The following ADAMTS9 variants were observed in gnomAD, a reference collection of about 807,000 sequenced individuals.
ADAMTS9 encodes the protein ADAM metallopeptidase with thrombospondin type 1 motif 9.
A neutral mutation model predicts 257.1 loss-of-function variants in ADAMTS9; 107 were observed. The ratio of observed to expected loss-of-function variants is 0.42; its 90% CI spans 0.36 to 0.49. The LOEUF is 0.49. Among genes scored for constraint, ADAMTS9 ranks in the 20% least tolerant of loss-of-function variants. ADAMTS9 has a pLI of 0.03. For missense variants in ADAMTS9, 2,353 were observed against 2,469.1 expected (o/e 0.95, Z 1.00); for synonymous variants, 982 against 880.9 (o/e 1.11, Z -2.03).
At chr3:64,577,097 G>T (rs2083871900) in intron 28 of ADAMTS9, among the ~76,000 whole-genome samples, 1 of 152,088 alleles carries the variant, frequency 6.6e-6, no homozygotes, top group South Asian at 2.1e-4. Flanking sequence ...CCAAATTAGG[G>T]CTCTTTTTGT....
chr3:64,533,410 T>A (rs2083007721), intron 37 of ADAMTS9, 140 bp from the exon 38 acceptor site: 2 of 677,490 alleles, frequency 3.0e-6, no homozygotes, highest in South Asian at 3.8e-5. Context: ...TTATTGATAG[T>A]ATTTAGTTTT....
At chr3:64,532,369 T>C (rs968042673) in intron 38 of ADAMTS9, among the ~76,000 whole-genome samples, 1 of 152,200 alleles carries the variant, frequency 6.6e-6, no homozygotes, top group Non-Finnish European at 1.5e-5. Flanking sequence ...TTTTGTGTAA[T>C]TGATTGAATA....
At chr3:64,570,069 T>G (rs916689899) in intron 28 of ADAMTS9, among the ~76,000 whole-genome samples, 6 of 152,222 alleles carry the variant, frequency 3.9e-5, no homozygotes, top group African/African-American at 1.4e-4. Context: ...AGTGACCAAT[T>G]TTAATATTTT....
intron 9 of ADAMTS9, 48 bp downstream of exon 9, chr3:64,650,969 G>A (rs1474748150): frequency 1.3e-6 from 2 of 1,537,140 alleles, no homozygotes; most frequent in South Asian, 2.5e-5. Flanking sequence ...TTCACTACAT[G>A]TAGGCCAGGC....
intron 29 of ADAMTS9, among the ~76,000 whole-genome samples, chr3:64,563,492 A>G (rs1285981194): frequency 2.4e-5 from 3 of 126,454 alleles, no homozygotes; most frequent in Non-Finnish European, 5.9e-5. Context: ...GAAAAATGAA[A>G]ACATATTTAA....
intron 38 of ADAMTS9, among the ~76,000 whole-genome samples, chr3:64,529,279 C>A (rs963748119): frequency 6.6e-6 from 1 of 152,250 alleles, no homozygotes; most frequent in African/African-American, 2.4e-5. Flanking sequence ...TTGACCAGTT[C>A]TGCTCTTGGA....
intron 30 of ADAMTS9, among the ~76,000 whole-genome samples, chr3:64,551,941 A>G (rs1004645248): frequency 6.6e-6 from 1 of 152,172 alleles, no homozygotes; most frequent in Non-Finnish European, 1.5e-5. Flanking sequence ...CTCATGCCAC[A>G]TCATTCTGCA....
chr3:64,678,035 CTGCG>C (rs1251657699), intron 3 of ADAMTS9, among the ~76,000 whole-genome samples: 2 of 152,214 alleles, frequency 1.3e-5, no homozygotes, highest in Admixed American at 6.5e-5. Context: ...CATATTCCAT[CTGCG>C]TGTGAAAGTG....
chr3:64,548,601 G>GT (rs972465237), intron 31 of ADAMTS9, among the ~76,000 whole-genome samples: 6 of 151,674 alleles, frequency 4.0e-5, no homozygotes, highest in Non-Finnish European at 8.8e-5. Context: ...TTATGTGGGG[G>GT]GGAGCCCAGT....
intron 14 of ADAMTS9, 104 bp from the exon 15 acceptor site, chr3:64,632,029 G>C: frequency 1.2e-6 from 1 of 825,730 alleles, no homozygotes; most frequent in Non-Finnish European, 1.9e-6. Flanking sequence ...TGACAAGAAA[G>C]TCAAGTCCTT....
Position 64,546,904 on chromosome 3 carries a change from T to C in ADAMTS9, c.4918A>G (p.Ser1640Gly). Residue 1640 changes from serine to glycine, a missense_variant, in exon 32 of 40, where the codon AGC (serine) becomes GGC (glycine). Ser to Gly is a moderately conservative substitution (Grantham distance 56). This residue lies in a region of ADAMTS9 where 1,402 missense variants were observed against 1,441.4 expected (regional missense o/e 0.97). Coordinates refer to ENST00000498707, the MANE Select transcript of ADAMTS9 (RefSeq NM_182920.2). Reference sequence around the variant, plus strand: ...TTCTCCTTCCCGGTGTAAATCTCGCTGCACGAGACAAGCCTTTGTTTGTAG... The same window carrying C: ...TTCTCCTTCCCGGTGTAAATCTCGCCGCACGAGACAAGCCTTTGTTTGTAG... Reference protein sequence around the residue: ...KGYKQRLVSCSEIYTGKENYE... With the variant: ...KGYKQRLVSCGEIYTGKENYE... 1.2e-6 allele frequency: 2 copies of C among 1,613,910 alleles called. No individual in the cohort carries two copies. Among genetic ancestry groups the C allele is most frequent in the Non-Finnish European group, 1.7e-6 (2 of 1,179,888 alleles).
intron 28 of ADAMTS9, among the ~76,000 whole-genome samples, chr3:64,593,707 G>A (rs2084303458): frequency 6.6e-6 from 1 of 152,138 alleles, no homozygotes. Flanking sequence ...AAGGCACCAG[G>A]TCACCTGTTC....
intron 29 of ADAMTS9, chr3:64,565,769 C>G (rs2083529869): frequency 6.6e-6 from 1 of 152,132 alleles, no homozygotes; most frequent in Non-Finnish European, 1.5e-5. Flanking sequence ...TTCCTTAGCT[C>G]TTGATTAAAA....
chr3:64,678,967 A>G (rs1307980471), intron 3 of ADAMTS9, among the ~76,000 whole-genome samples: 1 of 152,204 alleles, frequency 6.6e-6, no homozygotes, highest in East Asian at 1.9e-4. Context: ...ATTGGTCAGG[A>G]GCAAGCAAAC....
intron 11 of ADAMTS9, among the ~76,000 whole-genome samples, chr3:64,644,735 A>T (rs548367005): frequency 1.3e-5 from 2 of 152,090 alleles, no homozygotes; most frequent in Non-Finnish European, 2.9e-5. Context: ...CCCTCTTAAC[A>T]CTTCAGACTT....
At position 64,553,443 on chromosome 3, in the gene ADAMTS9, A is replaced by T. The variant is rs117060139; in HGVS notation, c.4699-2381T>A. Reference sequence around the variant, plus strand: ...CGGATATACCACATTTTGTTTATCCATTCCTCAGTTGATGGACATATGGGT... The same window carrying T: ...CGGATATACCACATTTTGTTTATCCTTTCCTCAGTTGATGGACATATGGGT... On this transcript the variant is annotated intron_variant, in intron 30 of 39. Coordinates refer to ENST00000498707, the MANE Select transcript of ADAMTS9 (RefSeq NM_182920.2). Among the ~76,000 whole-genome samples the T allele has an allele frequency of 1.4e-4, 21 of 152,342 alleles. No homozygotes were observed. The East Asian group carries it at 3.3e-3, about 24-fold the overall frequency.
chr3:64,660,428 C>A (rs550717119), intron 3 of ADAMTS9, among the ~76,000 whole-genome samples: 36 of 152,182 alleles, frequency 2.4e-4, no homozygotes, highest in African/African-American at 8.2e-4. Flanking sequence ...TTCATGGTTT[C>A]GGTTCCCTTG....
chr3:64,551,040 C>A lies in ADAMTS9; in HGVS notation c.4721G>T (p.Gly1574Val), dbSNP rs1312895073. 6.2e-7 allele frequency: 1 copy of A among 1,614,130 alleles called. No individual in the cohort carries two copies. ...ACACACCACCTTGCGGTACCTGGAG[C>A]CTTCGCCGCAGGTCTTGGTGCACTG... ...WQECTKTCGE[G>V]SRYRKVVCVD... Residue 1574 changes from glycine (G) to valine (V), a missense_variant, in exon 31 of 40, where the codon GGC becomes GTC. Coordinates refer to ENST00000498707, the MANE Select transcript of ADAMTS9 (RefSeq NM_182920.2).
intron 32 of ADAMTS9, among the ~76,000 whole-genome samples, chr3:64,542,941 C>T (rs2083146362): frequency 6.6e-6 from 1 of 151,972 alleles, no homozygotes; most frequent in Non-Finnish European, 1.5e-5. Context: ...AATATCACCA[C>T]CAATCCCACA....
Sources: allele counts gnomAD v4.1 joint callset (sites outside exome capture counted in the v4.1 genomes callset), GRCh38; gene constraint gnomAD v4.1.1; regional missense constraint gnomAD v4.1.1; transcripts MANE v1.5; gene names NCBI Gene and HGNC (gene_info 2026-07-23, HGNC 2026-07-21).